Variants in FAM240B observed in about 807,000 individuals in gnomAD.
The protein encoded by FAM240B is family with sequence similarity 240 member B.
intron 2 of FAM240B, among the ~76,000 whole-genome samples, chr9:38,698,827 G>T (rs557914469): frequency 6.6e-6 from 1 of 152,298 alleles, no homozygotes; most frequent in African/African-American, 2.4e-5. Context: ...CTATCCAAAT[G>T]TCTTTTAAAT....
chr9:38,695,564 T>G (rs1404718038), intron 2 of FAM240B, among the ~76,000 whole-genome samples: 1 of 151,998 alleles, frequency 6.6e-6, no homozygotes, highest in Non-Finnish European at 1.5e-5. Context: ...TACAAATGAA[T>G]AAAGAAAAAA....
chr9:38,708,459 C>A (rs2119008405), intron 1 of FAM240B, among the ~76,000 whole-genome samples: 1 of 152,274 alleles, frequency 6.6e-6, no homozygotes, highest in East Asian at 1.9e-4. Flanking sequence ...ACACAGCTGT[C>A]CTGCCTGCGA....
chr9:38,715,607 A>G (rs1821296684), intron 1 of FAM240B, among the ~76,000 whole-genome samples: 2 of 152,246 alleles, frequency 1.3e-5, no homozygotes, highest in South Asian at 4.1e-4. Context: ...CCTGATATTC[A>G]AGTTTTTCAA....
intron 1 of FAM240B, among the ~76,000 whole-genome samples, chr9:38,717,538 T>C (rs1343234071): frequency 6.6e-6 from 1 of 152,236 alleles, no homozygotes. Context: ...TGGAGTGCAG[T>C]GGCGCAATCT....
At chr9:38,712,288 C>T (rs1233111245) in intron 1 of FAM240B, among the ~76,000 whole-genome samples, 1 of 152,146 alleles carries the variant, frequency 6.6e-6, no homozygotes, top group Admixed American at 6.5e-5. Flanking sequence ...GAGAGAAGTC[C>T]CTGTGACTTT....
At chr9:38,704,493 T>C (rs2119004376) in intron 1 of FAM240B, among the ~76,000 whole-genome samples, 1 of 152,354 alleles carries the variant, frequency 6.6e-6, no homozygotes, top group East Asian at 1.9e-4. Context: ...TTTTTCCTTA[T>C]TTATAAGTTA....
At chr9:38,713,358 G>C (rs964094958) in intron 1 of FAM240B, among the ~76,000 whole-genome samples, 1 of 151,774 alleles carries the variant, frequency 6.6e-6, no homozygotes, top group African/African-American at 2.4e-5. Context: ...AGCGCCTGTA[G>C]TCCCAGCTAT....
intron 1 of FAM240B, among the ~76,000 whole-genome samples, chr9:38,704,353 A>G (rs1044663263): frequency 1.2e-4 from 18 of 152,180 alleles, no homozygotes; most frequent in African/African-American, 2.7e-4. Context: ...AGAAATGAAA[A>G]TGTTCATGAA....
At chr9:38,708,753 C>T (rs1436895373) in intron 1 of FAM240B, among the ~76,000 whole-genome samples, 3 of 152,188 alleles carry the variant, frequency 2.0e-5, no homozygotes, top group Non-Finnish European at 2.9e-5. Context: ...CCCTGGCAAG[C>T]ATCAAAAGTG....
chr9:38,699,976 GT>G (rs1241968701), intron 2 of FAM240B, among the ~76,000 whole-genome samples: 3 of 152,144 alleles, frequency 2.0e-5, no homozygotes, highest in Non-Finnish European at 2.9e-5. Context: ...CTTGACAATT[GT>G]TTTTTCATAG....
intron 1 of FAM240B, among the ~76,000 whole-genome samples, chr9:38,719,384 A>G (rs181441995): frequency 2.4e-4 from 36 of 152,280 alleles, no homozygotes; most frequent in Admixed American, 2.0e-3. Flanking sequence ...TAATTAACTT[A>G]CACTTAAAGA....
chr9:38,712,148 A>G (rs1009412749), intron 1 of FAM240B, among the ~76,000 whole-genome samples: 8 of 152,148 alleles, frequency 5.3e-5, no homozygotes, highest in Admixed American at 2.6e-4. Context: ...TTTTAACTAA[A>G]AAAGGACTTA....
At chr9:38,712,176 T>C (rs1821263367) in intron 1 of FAM240B, among the ~76,000 whole-genome samples, 1 of 152,178 alleles carries the variant, frequency 6.6e-6, no homozygotes, top group Admixed American at 6.5e-5. Context: ...GAAAAAAGCT[T>C]ATACTGGACG....
intron 1 of FAM240B, among the ~76,000 whole-genome samples, chr9:38,707,793 C>CAAAAAAAA (rs11300800): frequency 9.1e-6 from 1 of 109,396 alleles, no homozygotes; most frequent in African/African-American, 3.5e-5. Context: ...GACTCGGTCT[C>CAAAAAAAA]AAAAAAAAAA....
intron 1 of FAM240B, 53 bp from the exon 2 acceptor site, chr9:38,704,055 G>A (rs1342684689): frequency 2.6e-6 from 1 of 386,184 alleles, no homozygotes; most frequent in Non-Finnish European, 4.6e-6. Flanking sequence ...GCCACTCTAG[G>A]TTTGGAGTGA....
In FAM240B at chr9:38,703,812, G is replaced by A. The variant is rs959425344; in HGVS notation, c.143+45C>T. On this transcript the variant is annotated intron_variant, in intron 2 of 2. Coordinates refer to ENST00000637493, the MANE Select transcript of FAM240B (RefSeq NM_001394922.1). ...GAGTCTTCATATCTGGCATATCTCT[G>A]GAAAATCCACTTTAAAAGTAATAAC... The A allele has an allele frequency of 5.5e-5, 22 of 399,316 alleles. No individual in the cohort carries two copies. In the East Asian group the frequency reaches 7.8e-4, roughly 14 times the overall value. 24.7% of individuals were successfully genotyped at this position (399,316 alleles called of 1,614,324 possible). A position where few individuals can be genotyped will look rare whatever the true frequency, so the allele number is the denominator to read the frequency against.
At chr9:38,709,990 A>G (rs1262091070) in intron 1 of FAM240B, among the ~76,000 whole-genome samples, 1 of 152,146 alleles carries the variant, frequency 6.6e-6, no homozygotes, top group African/African-American at 2.4e-5. Flanking sequence ...GTTGTTGTTG[A>G]GACGGAGTCT....
intron 1 of FAM240B, among the ~76,000 whole-genome samples, chr9:38,717,567 G>A (rs184925314): frequency 2.5e-4 from 38 of 152,248 alleles, no homozygotes; most frequent in Admixed American, 1.5e-3. Context: ...TGCAAGCTCC[G>A]CCTCCCGGGT....
intron 1 of FAM240B, among the ~76,000 whole-genome samples, chr9:38,719,618 A>G (rs1036244137): frequency 2.0e-5 from 3 of 152,134 alleles, no homozygotes; most frequent in African/African-American, 7.2e-5. Flanking sequence ...TCACCCCACC[A>G]TCAGCTTCCT....
Sources: allele counts gnomAD v4.1 joint callset (sites outside exome capture counted in the v4.1 genomes callset), GRCh38; gene constraint gnomAD v4.1.1; transcripts MANE v1.5; gene names NCBI Gene and HGNC (gene_info 2026-07-23, HGNC 2026-07-21).